Variants in CSMD1 observed in about 807,000 individuals in gnomAD.
The protein encoded by CSMD1 is CUB and sushi domain-containing protein 1.
In CSMD1, 213 loss-of-function variants were observed where a neutral mutation model predicts 417.5. The ratio of observed to expected loss-of-function variants is 0.51; its 90% CI spans 0.46 to 0.57. The LOEUF is 0.57. CSMD1 is among the 20% of genes least tolerant of loss of function. The probability of loss-of-function intolerance (pLI) is 0.00; values close to 1 mark genes in which losing one functional copy is unlikely to be tolerated. For missense variants in CSMD1, 6,923 were observed against 4,529.7 expected, an observed-to-expected ratio of 1.53 and a Z score of -15.17; for synonymous variants, 2,862 against 1,736.8, an observed-to-expected ratio of 1.65 and a Z score of -16.11.
chr8:3,172,536 C>T (rs1409241435), intron 37 of CSMD1, among the ~76,000 whole-genome samples: 1 of 152,162 alleles, frequency 6.6e-6, no homozygotes, highest in Admixed American at 6.5e-5. Flanking sequence ...GCAGAGACCA[C>T]ATTGATCTTG....
chr8:3,815,417 T>C (rs978632163), intron 5 of CSMD1, among the ~76,000 whole-genome samples: 37 of 152,204 alleles, frequency 2.4e-4, no homozygotes, highest in African/African-American at 8.9e-4. Flanking sequence ...AGATTAATTA[T>C]ATTGATAGTA....
intron 1 of CSMD1, among the ~76,000 whole-genome samples, chr8:4,857,335 C>G (rs1801862655): frequency 1.3e-5 from 2 of 149,606 alleles, no homozygotes; most frequent in Admixed American, 6.7e-5. Flanking sequence ...AAATTGACAC[C>G]CTAACATCAC....
intron 2 of CSMD1, among the ~76,000 whole-genome samples, chr8:4,614,164 T>C (rs1801345340): frequency 6.6e-6 from 1 of 152,164 alleles, no homozygotes; most frequent in Admixed American, 6.5e-5. Context: ...ATAATAATAG[T>C]TATGCATGAA....
intron 12 of CSMD1, among the ~76,000 whole-genome samples, chr8:3,458,465 T>A (rs978785108): frequency 3.9e-5 from 6 of 152,198 alleles, no homozygotes; most frequent in African/African-American, 1.4e-4. Flanking sequence ...TGTCAGCATA[T>A]CTTCATACAA....
chr8:3,032,353 A>C (rs2942802), intron 50 of CSMD1, among the ~76,000 whole-genome samples: 1 of 151,978 alleles, frequency 6.6e-6, no homozygotes, highest in African/African-American at 2.4e-5. Context: ...TTTTCCCTAA[A>C]GAGTGGTAGA....
intron 2 of CSMD1, among the ~76,000 whole-genome samples, chr8:4,530,072 G>T (rs553107079): frequency 6.6e-6 from 1 of 151,370 alleles, no homozygotes; most frequent in Non-Finnish European, 1.5e-5. Context: ...CCGCCACCAC[G>T]CCCGACTAGT....
chr8:3,217,410 G>A (rs2116835419), intron 29 of CSMD1, among the ~76,000 whole-genome samples: 1 of 152,238 alleles, frequency 6.6e-6, no homozygotes, highest in Non-Finnish European at 1.5e-5. Flanking sequence ...TTCATTCGTT[G>A]GCCCATTTAT....
chr8:3,204,633 C>T (rs142506938), intron 31 of CSMD1, among the ~76,000 whole-genome samples: 2,060 of 152,284 alleles, frequency 0.014, 27 homozygotes, highest in Non-Finnish European at 0.02. Flanking sequence ...CTCCCACACA[C>T]AAGTTTCTTA....
At chr8:4,018,849 CTG>C (rs1210619407) in intron 4 of CSMD1, among the ~76,000 whole-genome samples, 2 of 152,158 alleles carry the variant, frequency 1.3e-5, no homozygotes, top group Non-Finnish European at 2.9e-5. Context: ...CTGAATTCCT[CTG>C]TGATGGAGTC....
chr8:4,071,458 AT>A (rs958271573), intron 3 of CSMD1, among the ~76,000 whole-genome samples: 1 of 151,928 alleles, frequency 6.6e-6, no homozygotes, highest in Admixed American at 6.6e-5. Context: ...TATAACGCCT[AT>A]TTTTTTCCTG....
chr8:3,286,903 C>T (rs1803203783), intron 25 of CSMD1, among the ~76,000 whole-genome samples: 1 of 152,138 alleles, frequency 6.6e-6, no homozygotes, highest in Non-Finnish European at 1.5e-5. Context: ...TTGCCCATGC[C>T]TATGTCCTGA....
At chr8:3,180,476 T>A (rs1821254274) in intron 37 of CSMD1, among the ~76,000 whole-genome samples, 1 of 152,200 alleles carries the variant, frequency 6.6e-6, no homozygotes, top group Non-Finnish European at 1.5e-5. Flanking sequence ...AATATGAGTA[T>A]TTTTTAATTA....
chr8:3,417,739 C>T (rs1407059854), intron 12 of CSMD1, among the ~76,000 whole-genome samples: 1 of 152,138 alleles, frequency 6.6e-6, no homozygotes, highest in Non-Finnish European at 1.5e-5. Flanking sequence ...TTCCCTGAGA[C>T]TTTCACTCAG....
At chr8:4,713,087 T>C (rs1023040230) in intron 1 of CSMD1, among the ~76,000 whole-genome samples, 15 of 152,148 alleles carry the variant, frequency 9.9e-5, no homozygotes, top group Non-Finnish European at 1.8e-4. Context: ...GCACCTCAAA[T>C]CCCCACCATT....
intron 3 of CSMD1, among the ~76,000 whole-genome samples, chr8:4,349,614 G>T (rs1022383600): frequency 6.6e-6 from 1 of 152,052 alleles, no homozygotes; most frequent in African/African-American, 2.4e-5. Context: ...AAGCTGTTAC[G>T]TCTCCCTGAA....
At chr8:3,093,730 G>A (rs1331463226) in intron 47 of CSMD1, among the ~76,000 whole-genome samples, 1 of 151,818 alleles carries the variant, frequency 6.6e-6, no homozygotes, top group Non-Finnish European at 1.5e-5. Context: ...GCAGTCCTAG[G>A]AAAGAAATGT....
intron 26 of CSMD1, among the ~76,000 whole-genome samples, chr8:3,255,272 T>A (rs1800566919): frequency 6.6e-6 from 1 of 151,770 alleles, no homozygotes; most frequent in South Asian, 2.1e-4. Flanking sequence ...GGTGTCAGTC[T>A]GCCCCTACTG....
At chr8:3,041,141 C>T (rs983644244) in intron 50 of CSMD1, among the ~76,000 whole-genome samples, 1 of 152,076 alleles carries the variant, frequency 6.6e-6, no homozygotes, top group Non-Finnish European at 1.5e-5. Flanking sequence ...TTTTGAATTA[C>T]ATGAAATTGA....
intron 54 of CSMD1, among the ~76,000 whole-genome samples, chr8:2,994,701 A>T (rs1444650016): frequency 6.6e-6 from 1 of 152,244 alleles, no homozygotes; most frequent in Non-Finnish European, 1.5e-5. Context: ...AGGATCAATT[A>T]ATTAAAAAAT....
Sources: allele counts gnomAD v4.1 joint callset (sites outside exome capture counted in the v4.1 genomes callset), GRCh38; gene constraint gnomAD v4.1.1; transcripts MANE v1.5; gene names NCBI Gene and HGNC (gene_info 2026-07-23, HGNC 2026-07-21).